The following ALK variants were observed in gnomAD, a reference collection of about 807,000 sequenced individuals.
ALK encodes ALK receptor tyrosine kinase, also known as ALK tyrosine kinase receptor.
In ALK, 74 loss-of-function variants were observed where a neutral mutation model predicts 163.1. The observed-to-expected ratio is 0.45, with a 90% CI of 0.38 to 0.55. The LOEUF (loss-of-function observed/expected upper bound fraction) is 0.55, where lower values mean the gene tolerates loss of function less well. Ranked by LOEUF, ALK falls within the 20% of genes least tolerant of loss-of-function variation. The pLI is 0.00. For missense variants in ALK, 2,063 were observed against 2,105.3 expected, an observed-to-expected ratio of 0.98 and a Z score of 0.39; for synonymous variants, 960 against 843.2, an observed-to-expected ratio of 1.14 and a Z score of -2.40.
At chr2:29,561,773 G>A (rs1318752827) in intron 3 of ALK, among the ~76,000 whole-genome samples, 1 of 152,030 alleles carries the variant, frequency 6.6e-6, no homozygotes, top group Non-Finnish European at 1.5e-5. Context: ...TTCTCTTTTT[G>A]TCTGAAGCAG....
chr2:29,472,131 A>G (rs1245770543), intron 4 of ALK, among the ~76,000 whole-genome samples: 2 of 152,202 alleles, frequency 1.3e-5, no homozygotes, highest in African/African-American at 4.8e-5. Context: ...CCATGGTATG[A>G]GAAAGCCTGA....
rs139185626 is a variant in ALK at position 29,193,486 on chromosome 2, C to G, written c.4601G>C (p.Gly1534Ala). 6.2e-7 allele frequency: 1 copy of G among 1,614,180 alleles called. No individual in the cohort carries two copies. Among genetic ancestry groups the G allele is most frequent in the Admixed American group, 1.7e-5 (1 of 60,024 alleles). ...TGGGACAGTACAGCTTCCCTCCAGC[C>G]CCAGGTTACCCCTGTCGTGTGGCTC... ...KKEPHDRGNL[G>A]LEGSCTVPPN... The change falls in exon 29 of 29, where the codon GGG (glycine) becomes GCG (alanine). Residue 1534 changes from glycine to alanine, a missense_variant. This residue lies in a region of ALK where 403 missense variants were observed against 366.2 expected (regional missense o/e 1.10). Coordinates refer to ENST00000389048, the MANE Select transcript of ALK (RefSeq NM_004304.5).
intron 12 of ALK, among the ~76,000 whole-genome samples, chr2:29,240,650 A>G (rs1306775574): frequency 6.6e-6 from 1 of 152,176 alleles, no homozygotes; most frequent in Non-Finnish European, 1.5e-5. Context: ...GATGAAAATA[A>G]AAACAGAGTG....
chr2:29,822,094 A>G (rs1240435935), intron 1 of ALK, among the ~76,000 whole-genome samples: 2 of 152,202 alleles, frequency 1.3e-5, no homozygotes, highest in African/African-American at 4.8e-5. Flanking sequence ...AAAGAGTCCA[A>G]AGGATTTTAT....
chr2:29,862,427 A>T (rs1666319951), intron 1 of ALK, among the ~76,000 whole-genome samples: 1 of 152,190 alleles, frequency 6.6e-6, no homozygotes, highest in Admixed American at 6.5e-5. Context: ...TGTTAGAAAT[A>T]ATAAACAAAT....
At chr2:29,343,746 G>C (rs1010504408) in intron 5 of ALK, among the ~76,000 whole-genome samples, 1 of 152,106 alleles carries the variant, frequency 6.6e-6, no homozygotes, top group African/African-American at 2.4e-5. Context: ...AAGCATATGG[G>C]GAGACTCTCA....
intron 5 of ALK, among the ~76,000 whole-genome samples, chr2:29,369,865 C>A (rs2148292257): frequency 6.6e-6 from 1 of 152,248 alleles, no homozygotes; most frequent in Non-Finnish European, 1.5e-5. Context: ...CTGAGTCGAG[C>A]ACCTGCTTTT....
chr2:29,195,530 C>T (rs993532272), intron 28 of ALK, among the ~76,000 whole-genome samples: 4 of 152,012 alleles, frequency 2.6e-5, no homozygotes, highest in African/African-American at 7.3e-5. Context: ...GTCAGGAGTT[C>T]GAGATCAGCC....
chr2:29,649,764 G>A (rs1364888900), intron 3 of ALK, among the ~76,000 whole-genome samples: 1 of 152,054 alleles, frequency 6.6e-6, no homozygotes, highest in East Asian at 1.9e-4. Flanking sequence ...TGTGGACTCT[G>A]TCCTTATATT....
At position 29,197,637 on chromosome 2, in the gene ALK, T is replaced by C. The variant is rs200256900; in HGVS notation, c.3978A>G (p.Gly1326=). 7 of 1,613,820 alleles carry C rather than the reference T, an allele frequency of 4.3e-6. No individual in the cohort carries two copies. Among genetic ancestry groups the C allele is most frequent in the Admixed American group, 1.7e-5 (1 of 59,968 alleles). ...GVLLWEIFSL[G]YMPYPSKSNQ... ...TGCTTTTGCTGGGGTATGGCATATA[T>C]CCAAGAGAAAAGATTTCCCATAGCA... The change falls in exon 27 of 29, where the codon GGA becomes GGG. Residue 1326 remains glycine (G), a synonymous_variant. Coordinates refer to ENST00000389048, the MANE Select transcript of ALK (RefSeq NM_004304.5).
At chr2:29,233,446 C>T in intron 14 of ALK, 119 bp downstream of exon 14, 1 of 1,464,194 alleles carries the variant, frequency 6.8e-7, no homozygotes, top group Non-Finnish European at 9.5e-7. Context: ...GTACCTGGCC[C>T]TGCTCATCTT....
intron 4 of ALK, among the ~76,000 whole-genome samples, chr2:29,476,619 G>A (rs1185257564): frequency 2.0e-5 from 3 of 152,028 alleles, no homozygotes; most frequent in Non-Finnish European, 4.4e-5. Context: ...GAGACCCGGG[G>A]GAGTTTCCCG....
intron 3 of ALK, among the ~76,000 whole-genome samples, chr2:29,602,946 A>AT (rs1006885778): frequency 3.2e-4 from 48 of 152,358 alleles, no homozygotes; most frequent in African/African-American, 1.1e-3. Flanking sequence ...GACATAAGAC[A>AT]TCAATCAATA....
chr2:29,195,022 T>C (rs1486578648), intron 28 of ALK, among the ~76,000 whole-genome samples: 2 of 152,108 alleles, frequency 1.3e-5, no homozygotes, highest in African/African-American at 4.8e-5. Flanking sequence ...ATTGAGAAAA[T>C]ACCCTCATTA....
intron 4 of ALK, among the ~76,000 whole-genome samples, chr2:29,450,239 C>T (rs1339512815): frequency 1.3e-5 from 2 of 152,222 alleles, no homozygotes; most frequent in Admixed American, 6.5e-5. Flanking sequence ...CAAAACCGCT[C>T]AGATGTTCAT....
intron 3 of ALK, among the ~76,000 whole-genome samples, chr2:29,541,820 T>G (rs890269154): frequency 1.3e-5 from 2 of 152,064 alleles, no homozygotes; most frequent in Non-Finnish European, 2.9e-5. Context: ...AACGGAGAGG[T>G]TGATACCTTT....
At chr2:29,741,690 T>C (rs1680062873) in intron 1 of ALK, among the ~76,000 whole-genome samples, 1 of 152,116 alleles carries the variant, frequency 6.6e-6, no homozygotes. Context: ...TCAACCCCTT[T>C]CTTAGAAGTA....
chr2:29,340,734 C>A (rs149958282), intron 5 of ALK, among the ~76,000 whole-genome samples: 5 of 152,280 alleles, frequency 3.3e-5, no homozygotes, highest in African/African-American at 9.6e-5. Flanking sequence ...TAATATTAAC[C>A]ATCTGACATT....
At chr2:29,292,423 T>A (rs1666056991) in intron 9 of ALK, among the ~76,000 whole-genome samples, 1 of 152,220 alleles carries the variant, frequency 6.6e-6, no homozygotes. Flanking sequence ...TGCAAGAGAC[T>A]GACAATTAGA....
Sources: gnomAD v4.1 joint callset for allele counts (sites outside exome capture counted in the v4.1 genomes callset) on GRCh38, gnomAD v4.1.1 for gene constraint, gnomAD v4.1.1 regional missense constraint, MANE v1.5 for transcripts, NCBI Gene and HGNC (gene_info 2026-07-23, HGNC 2026-07-21) for gene names.